Variants in RAP1GAP2 observed in about 807,000 individuals in gnomAD.
RAP1GAP2 encodes the protein RAP1 GTPase activating protein 2, also known as rap1 GTPase-activating protein 2.
RAP1GAP2 carries 27 observed loss-of-function variants against 95.0 expected under a neutral mutation model. The observed-to-expected ratio is 0.28, with a 90% CI of 0.21 to 0.39. RAP1GAP2 has a LOEUF of 0.39. RAP1GAP2 is among the 10% of genes least tolerant of loss of function. The pLI is 1.00. For missense variants in RAP1GAP2, 771 were observed against 970.0 expected, an observed-to-expected ratio of 0.79 and a Z score of 2.72; for synonymous variants, 373 against 380.9, an observed-to-expected ratio of 0.98 and a Z score of 0.24.
intron 2 of RAP1GAP2, among the ~76,000 whole-genome samples, chr17:2,853,173 G>A (rs1225802810): frequency 4.6e-5 from 7 of 152,160 alleles, no homozygotes; most frequent in Non-Finnish European, 1.0e-4. Context: ...ACTCTGCGGG[G>A]AGGCGGGGGC....
chr17:2,764,572 T>C (rs150131943), intron 1 of RAP1GAP2, among the ~76,000 whole-genome samples: 13,208 of 151,314 alleles, frequency 0.087, 818 homozygotes, highest in East Asian at 0.29. Flanking sequence ...AGCACAAAAA[T>C]TAGCTGGGTG....
chr17:2,994,441 T>C (rs887177202), intron 12 of RAP1GAP2, among the ~76,000 whole-genome samples: 1 of 152,208 alleles, frequency 6.6e-6, no homozygotes, highest in African/African-American at 2.4e-5. Context: ...CTTTTCTTTC[T>C]TGCCTGTGAG....
chr17:2,804,753 A>C (rs1567663398), intron 2 of RAP1GAP2, among the ~76,000 whole-genome samples: 1 of 152,160 alleles, frequency 6.6e-6, no homozygotes, highest in Non-Finnish European at 1.5e-5. Context: ...CTATGGAGCC[A>C]CGTTGGAATG....
Position 2,984,936 on chromosome 17 carries a change from C to T in RAP1GAP2, c.730-47C>T. The T allele has an allele frequency of 1.9e-6, 3 of 1,604,212 alleles. No homozygotes were observed. In the South Asian group the frequency reaches 3.4e-5, roughly 18 times the overall value. On this transcript the variant is annotated intron_variant, in intron 10 of 24. Transcript: ENST00000254695. ...CTGCCATGTGCTTCCTCACTTGCTT[C>T]CAAATTTAACAAATGTTGATTTTTT...
At position 2,962,783 on chromosome 17, in the gene RAP1GAP2, G is replaced by A; in HGVS notation, c.246+69G>A. 8 of 1,404,008 alleles carry A rather than the reference G, an allele frequency of 5.7e-6. No individual in the cohort carries two copies. The South Asian group carries it at 1.1e-4, about 19-fold the overall frequency. 87.0% of individuals were successfully genotyped at this position (1,404,008 alleles called of 1,614,324 possible). A position where few individuals can be genotyped will look rare whatever the true frequency, so the allele number is the denominator to read the frequency against. ...GGGCTAGGGCGAGAGGAAGGCAGGA[G>A]GGGCTGCCGGGATGCTGGGGTCTTC... On this transcript the variant is annotated intron_variant, in intron 5 of 24. Coordinates refer to ENST00000254695, the MANE Select transcript of RAP1GAP2 (RefSeq NM_015085.5).
chr17:2,924,869 A>G (rs2042901691), intron 3 of RAP1GAP2, among the ~76,000 whole-genome samples: 1 of 152,046 alleles, frequency 6.6e-6, no homozygotes, highest in South Asian at 2.1e-4. Context: ...CTCTTTCTAG[A>G]GCTCTTTCCT....
chr17:2,758,849 G>A (rs886718554), intron 1 of RAP1GAP2, among the ~76,000 whole-genome samples: 2 of 152,132 alleles, frequency 1.3e-5, no homozygotes, highest in Non-Finnish European at 2.9e-5. Context: ...AGATTCAGGA[G>A]CTCAAACAAC....
intron 2 of RAP1GAP2, among the ~76,000 whole-genome samples, chr17:2,883,583 CTTT>C (rs931040156): frequency 6.6e-6 from 1 of 151,744 alleles, no homozygotes; most frequent in East Asian, 1.9e-4. Flanking sequence ...CTCCTGTTTT[CTTT>C]TTTTTTCCTC....
At chr17:2,854,130 C>A (rs2072021649) in intron 2 of RAP1GAP2, 1 of 985,328 alleles carries the variant, frequency 1.0e-6, no homozygotes, top group African/African-American at 1.7e-5. Context: ...CGGCCGCTTC[C>A]CTCCGCTCTC....
chr17:3,028,151 A>C (rs2047185322), intron 22 of RAP1GAP2, among the ~76,000 whole-genome samples: 1 of 152,046 alleles, frequency 6.6e-6, no homozygotes, highest in African/African-American at 2.4e-5. Context: ...AGGGAGGGGA[A>C]GAGTCGTGTC....
chr17:2,984,396 T>C (rs2045480559), intron 10 of RAP1GAP2, among the ~76,000 whole-genome samples: 1 of 152,206 alleles, frequency 6.6e-6, no homozygotes, highest in Admixed American at 6.5e-5. Context: ...TTAATTTTTC[T>C]GATCCCAGTC....
chr17:2,837,702 G>C lies in RAP1GAP2; in HGVS notation c.80+37152G>C, dbSNP rs1254748728. On this transcript the variant is annotated intron_variant, in intron 2 of 24. Transcript: ENST00000254695. ...GCTCACTGCAAGCTCTGCCTCCCGG[G>C]TTCACGCCATTCTTCTGCCTCAGCC... Among the ~76,000 whole-genome samples, 34 of 150,460 alleles carry C rather than the reference G, an allele frequency of 2.3e-4. 1 individual carries two copies. The Admixed American group carries it at 2.3e-3, about 10-fold the overall frequency.
intron 2 of RAP1GAP2, among the ~76,000 whole-genome samples, chr17:2,823,219 C>T (rs186051397): frequency 2.0e-5 from 3 of 152,246 alleles, no homozygotes; most frequent in African/African-American, 7.2e-5. Flanking sequence ...TTTTGAAGCC[C>T]TATCGGCCAG....
intron 2 of RAP1GAP2, among the ~76,000 whole-genome samples, chr17:2,803,453 A>T (rs1433664277): frequency 1.3e-5 from 2 of 152,240 alleles, no homozygotes; most frequent in African/African-American, 2.4e-5. Flanking sequence ...AGGAACTGGA[A>T]ACCCGTTGCC....
chr17:2,913,534 C>G (rs546715760), intron 3 of RAP1GAP2, among the ~76,000 whole-genome samples: 2 of 152,174 alleles, frequency 1.3e-5, no homozygotes, highest in African/African-American at 4.8e-5. Context: ...GGTGATCCGC[C>G]GGCCTCAGCC....
chr17:2,977,724 G>A (rs540625807), intron 8 of RAP1GAP2, among the ~76,000 whole-genome samples: 5 of 141,418 alleles, frequency 3.5e-5, no homozygotes, highest in African/African-American at 5.3e-5. Flanking sequence ...CAGCCTGGGC[G>A]ACAGAGTGAG....
intron 3 of RAP1GAP2, among the ~76,000 whole-genome samples, chr17:2,927,651 T>A (rs562190498): frequency 6.6e-6 from 1 of 152,166 alleles, no homozygotes; most frequent in Non-Finnish European, 1.5e-5. Flanking sequence ...TTTTGGGGAT[T>A]GGGACAAGGG....
chr17:2,990,974 A>G (rs1308930927), intron 11 of RAP1GAP2, among the ~76,000 whole-genome samples: 1 of 151,580 alleles, frequency 6.6e-6, no homozygotes, highest in Non-Finnish European at 1.5e-5. Context: ...TCTCCCGAGC[A>G]GCTGGGATTA....
At chr17:2,868,516 ATTTTTTTT>A (rs71153307) in intron 2 of RAP1GAP2, among the ~76,000 whole-genome samples, 1 of 122,832 alleles carries the variant, frequency 8.1e-6, no homozygotes, top group Admixed American at 8.7e-5. Context: ...ACCAGGTGCA[ATTTTTTTT>A]TTTTTTTTTT....
Sources: gnomAD v4.1 joint callset for allele counts (sites outside exome capture counted in the v4.1 genomes callset) on GRCh38, gnomAD v4.1.1 for gene constraint, MANE v1.5 for transcripts, NCBI Gene and HGNC (gene_info 2026-07-23, HGNC 2026-07-21) for gene names.